The following SORCS2 variants were observed in gnomAD, a reference collection of about 807,000 sequenced individuals.
SORCS2 encodes sortilin related VPS10 domain containing receptor 2, also known as VPS10 domain-containing receptor SorCS2.
In SORCS2, 100 loss-of-function variants were observed where a neutral mutation model predicts 141.6. That is an observed-to-expected ratio of 0.71 (90% CI 0.60 to 0.83). The LOEUF (loss-of-function observed/expected upper bound fraction) is 0.83, where lower values mean the gene tolerates loss of function less well. Ranked by LOEUF, SORCS2 falls within the 40% of genes least tolerant of loss-of-function variation. SORCS2 has a pLI of 0.00. For synonymous variants in SORCS2, 789 were observed against 676.9 expected, an observed-to-expected ratio of 1.17 and a Z score of -2.57; for missense variants, 1,646 against 1,560.2, an observed-to-expected ratio of 1.05 and a Z score of -0.93.
chr4:7,302,003 G>A (rs189631030), intron 1 of SORCS2, among the ~76,000 whole-genome samples: 1 of 152,210 alleles, frequency 6.6e-6, no homozygotes, highest in Non-Finnish European at 1.5e-5. Flanking sequence ...TGTCCCACCG[G>A]GACGCACAGG....
In SORCS2 at chr4:7,465,967, G is replaced by T. The variant is rs147120783; in HGVS notation, c.549-65563G>T. On this transcript the variant is annotated intron_variant, in intron 2 of 26. Transcript: ENST00000507866. ...GCAAGGCAGAAGGCCTGGGGCAGGGGCAGGGCCAGGGTGGGAACCCAGGGC... is the reference window on the plus strand; with the variant it reads ...GCAAGGCAGAAGGCCTGGGGCAGGGTCAGGGCCAGGGTGGGAACCCAGGGC... Among the ~76,000 whole-genome samples, 633 of 152,220 alleles carry T rather than the reference G, an allele frequency of 4.2e-3. 4 individuals carry two copies. The highest frequency in any genetic ancestry group is 0.014 in the African/African-American group (587 of 41,552).
chr4:7,624,580 C>T (rs990960514), intron 3 of SORCS2, among the ~76,000 whole-genome samples: 1 of 152,226 alleles, frequency 6.6e-6, no homozygotes, highest in African/African-American at 2.4e-5. Flanking sequence ...AGGAGGCTGC[C>T]AGCACTGCTG....
At chr4:7,429,496 T>G (rs543084586) in intron 2 of SORCS2, among the ~76,000 whole-genome samples, 18 of 152,334 alleles carry the variant, frequency 1.2e-4, no homozygotes, top group South Asian at 2.1e-4. Flanking sequence ...AATCACAGTG[T>G]AACTTAAAGA....
At chr4:7,590,824 T>C (rs534839216) in intron 3 of SORCS2, among the ~76,000 whole-genome samples, 22 of 152,322 alleles carry the variant, frequency 1.4e-4, no homozygotes, top group African/African-American at 5.3e-4. Flanking sequence ...GCCTCCAGAA[T>C]TGTAAGAGGA....
chr4:7,708,061 G>A lies in SORCS2; in HGVS notation c.1868+3777G>A, dbSNP rs531264918. 4.9e-3 allele frequency among the ~76,000 whole-genome samples: 740 copies of A among 152,330 alleles called. 13 individuals are homozygous for A. The highest frequency in any genetic ancestry group is 1.5e-3 in the Non-Finnish European group (102 of 68,032). On this transcript the variant is annotated intron_variant, in intron 14 of 26. Coordinates refer to ENST00000507866, the MANE Select transcript of SORCS2 (RefSeq NM_020777.3). ...TGAGGAGCTGTCAGGAGGATTCCGG[G>A]AAGCAGAACGTCTGTGCCCAGGAAA...
In SORCS2 at chr4:7,664,434, G is replaced by A. The variant is rs1722376678; in HGVS notation, c.1034G>A (p.Gly345Glu). The A allele has an allele frequency of 1.2e-6, 2 of 1,613,742 alleles. No individual in the cohort carries two copies. The highest frequency in any genetic ancestry group is 1.3e-5 in the African/African-American group (1 of 74,882). The part of the protein sequence containing the change: ...TAPFAGPIDH[G>E]SLTVQDDYIF... ...CCATTCGCAGGCCCCATTGACCACG[G>A]GTCTCTGACCGTGCAGGACGATTAC... The change falls in exon 7 of 27, where the codon GGG (glycine) becomes GAG (glutamate). Residue 345 changes from glycine (G) to glutamate (E), a missense_variant. Physicochemically the swap from Gly to Glu is moderately conservative, Grantham distance 98. Coordinates refer to ENST00000507866, the MANE Select transcript of SORCS2 (RefSeq NM_020777.3). The surrounding 1 kb of genome is among the most constrained non-coding windows in gnomAD (Gnocchi z 4.7).
chr4:7,621,338 TTATG>T (rs1469051495), intron 3 of SORCS2, among the ~76,000 whole-genome samples: 1 of 151,920 alleles, frequency 6.6e-6, no homozygotes, highest in African/African-American at 2.4e-5. Flanking sequence ...GTGTGAGTGT[TTATG>T]TGTGTGTCTA....
At chr4:7,421,928 T>A (rs1384790225) in intron 2 of SORCS2, among the ~76,000 whole-genome samples, 1 of 147,032 alleles carries the variant, frequency 6.8e-6, no homozygotes, top group Non-Finnish European at 1.5e-5. Flanking sequence ...GGGCTGGGCA[T>A]CACGCTCCCT....
At chr4:7,617,090 GC>G (rs1209849632) in intron 3 of SORCS2, among the ~76,000 whole-genome samples, 1 of 152,178 alleles carries the variant, frequency 6.6e-6, no homozygotes, top group African/African-American at 2.4e-5. Flanking sequence ...CCAAATTGTG[GC>G]CAGGCCAGAA....
chr4:7,454,897 T>G (rs1577592138), intron 2 of SORCS2, among the ~76,000 whole-genome samples: 1 of 112,182 alleles, frequency 8.9e-6, no homozygotes. Flanking sequence ...GGTGCTGTGT[T>G]GGGGTCAGGC....
intron 2 of SORCS2, among the ~76,000 whole-genome samples, chr4:7,476,544 ACAGGTTGACACATAAAACCTGT>A (rs774220378): frequency 9.6e-4 from 146 of 152,282 alleles, no homozygotes; most frequent in Non-Finnish European, 7.6e-4. Flanking sequence ...CATAGCCTAG[ACAGGTTGACACATAAAACCTGT>A]CACCTTTCTC....
At chr4:7,680,860 A>G (rs73202600) in intron 9 of SORCS2, among the ~76,000 whole-genome samples, 18,364 of 152,248 alleles carry the variant, frequency 0.12, 1,467 homozygotes, top group Admixed American at 0.17. Context: ...TAAACAAGCC[A>G]CAGCCATCAG....
At chr4:7,352,864 T>C (rs1023968374) in intron 1 of SORCS2, among the ~76,000 whole-genome samples, 30 of 152,178 alleles carry the variant, frequency 2.0e-4, no homozygotes, top group Non-Finnish European at 3.5e-4. Flanking sequence ...TGCGTATAAC[T>C]CTGACCCCCA....
intron 2 of SORCS2, among the ~76,000 whole-genome samples, chr4:7,442,771 C>T (rs1412715511): frequency 1.3e-5 from 2 of 151,534 alleles, no homozygotes; most frequent in Non-Finnish European, 2.9e-5. Flanking sequence ...TGCCCTGGAA[C>T]TCATGTGAAC....
At chr4:7,502,494 A>G (rs1229757443) in intron 2 of SORCS2, among the ~76,000 whole-genome samples, 6 of 152,150 alleles carry the variant, frequency 3.9e-5, no homozygotes, top group African/African-American at 1.4e-4. Flanking sequence ...AGCGGCTACT[A>G]CCATTTATAA....
chr4:7,630,772 G>T (rs549834956), intron 3 of SORCS2, among the ~76,000 whole-genome samples: 1 of 152,286 alleles, frequency 6.6e-6, no homozygotes, highest in Non-Finnish European at 1.5e-5. Context: ...GTTCGCCTCC[G>T]CTGTTTGCCT....
At position 7,522,479 on chromosome 4, in the gene SORCS2, T is replaced by G. The variant is rs542508476; in HGVS notation, c.549-9051T>G. ...AGATTGGAATGATCAGCTCCTGAGT[T>G]GCTGGGTGCAGTTAAAGAACTTGGT... On this transcript the variant is annotated intron_variant, in intron 2 of 26. Coordinates refer to ENST00000507866, the MANE Select transcript of SORCS2 (RefSeq NM_020777.3). 6.6e-5 allele frequency among the ~76,000 whole-genome samples: 10 copies of G among 152,344 alleles called. No individual in the cohort carries two copies. The South Asian group carries it at 2.1e-3, about 32-fold the overall frequency.
At chr4:7,555,895 G>T (rs1417098796) in intron 3 of SORCS2, among the ~76,000 whole-genome samples, 2 of 152,228 alleles carry the variant, frequency 1.3e-5, no homozygotes, top group African/African-American at 4.8e-5. Context: ...CAGGAAAGCT[G>T]TTCACAGGGA....
At chr4:7,565,684 T>C (rs1714924670) in intron 3 of SORCS2, among the ~76,000 whole-genome samples, 1 of 149,604 alleles carries the variant, frequency 6.7e-6, no homozygotes, top group African/African-American at 2.5e-5. Context: ...GATGTGATGA[T>C]GGTGATGTTT....
Sources: gnomAD v4.1 joint callset for allele counts (sites outside exome capture counted in the v4.1 genomes callset) on GRCh38, gnomAD v4.1.1 for gene constraint, Gnocchi (gnomAD v3.1) non-coding constraint, MANE v1.5 for transcripts, NCBI Gene and HGNC (gene_info 2026-07-23, HGNC 2026-07-21) for gene names.